CENPK: variants seen among roughly 807,000 people sequenced by gnomAD.
CENPK encodes the protein SoxLZ/Sox6-binding protein Solt.
In CENPK, 46 loss-of-function variants were observed where a neutral mutation model predicts 40.9. That is an observed-to-expected ratio of 1.13 (90% confidence interval 0.89 to 1.44). The LOEUF is 1.44. Among genes scored for constraint, CENPK ranks in the 40% most tolerant of loss-of-function variants. The pLI is 0.00. For synonymous variants in CENPK, 107 were observed against 104.4 expected (o/e 1.02, Z -0.15); for missense variants, 288 against 303.5 (o/e 0.95, Z 0.38).
Position 65,520,099 on chromosome 5 carries a change from T to C in CENPK, c.651+1376A>G, listed in dbSNP as rs1004297107. On this transcript the variant is annotated intron_variant, in intron 10 of 10. Coordinates refer to ENST00000396679, the MANE Select transcript of CENPK (RefSeq NM_022145.5). ...GGAGGTGGAGCCTGGTGGGAGGTGA[T>C]TGGATCATCAGGGTGAATTTCTCAT... 3.9e-5 allele frequency among the ~76,000 whole-genome samples: 6 copies of C among 152,166 alleles called. No individual in the cohort carries two copies. The South Asian group carries it at 6.2e-4, about 16-fold the overall frequency.
At chr5:65,547,303 G>A (rs1749174281) in intron 5 of CENPK, among the ~76,000 whole-genome samples, 2 of 150,146 alleles carry the variant, frequency 1.3e-5, no homozygotes, top group Admixed American at 6.7e-5. Context: ...TGAGGCACAA[G>A]AACTGCTTGA....
intron 8 of CENPK, among the ~76,000 whole-genome samples, 153 bp downstream of exon 8, chr5:65,528,766 T>C (rs1280964058): frequency 1.3e-5 from 2 of 152,186 alleles, no homozygotes; most frequent in African/African-American, 2.4e-5. Flanking sequence ...TCAAGTCAAG[T>C]CACCCATAAA....
At chr5:65,556,861 T>C (rs1751063072) in intron 2 of CENPK, among the ~76,000 whole-genome samples, 1 of 152,208 alleles carries the variant, frequency 6.6e-6, no homozygotes, top group Non-Finnish European at 1.5e-5. Context: ...AATGTTTAAA[T>C]ACAAAAATAC....
At chr5:65,522,940 T>C (rs1744045189) in intron 9 of CENPK, among the ~76,000 whole-genome samples, 1 of 152,274 alleles carries the variant, frequency 6.6e-6, no homozygotes, top group Non-Finnish European at 1.5e-5. Flanking sequence ...TATTAGCTTT[T>C]AGACAGCTAT....
intron 3 of CENPK, 121 bp downstream of exon 3, chr5:65,554,674 TAA>T: frequency 1.5e-6 from 1 of 649,506 alleles, no homozygotes; most frequent in Non-Finnish European, 2.7e-6. Flanking sequence ...AAAAGCTATA[TAA>T]ATATTTATCA....
At chr5:65,519,940 A>C (rs944111581) in intron 10 of CENPK, among the ~76,000 whole-genome samples, 2 of 152,170 alleles carry the variant, frequency 1.3e-5, no homozygotes, top group Non-Finnish European at 2.9e-5. Context: ...CTGCAGTTTT[A>C]AGATTAGTTC....
chr5:65,529,215 T>C lies in CENPK; in HGVS notation c.289-16A>G, dbSNP rs766917984. On this transcript the variant is annotated splice_polypyrimidine_tract_variant and intron_variant, in intron 6 of 10. Coordinates refer to ENST00000396679, the MANE Select transcript of CENPK (RefSeq NM_022145.5). Reference sequence around the variant, plus strand: ...GCTTTTGGAACTAGAATAAAATAATTCAAATTAATTGCTTGGTCTTTAATC... The same window carrying C: ...GCTTTTGGAACTAGAATAAAATAATCCAAATTAATTGCTTGGTCTTTAATC... The C allele has an allele frequency of 1.3e-6, 2 of 1,526,510 alleles. No individual in the cohort carries two copies. Among genetic ancestry groups the C allele is most frequent in the Non-Finnish European group, 1.8e-6 (2 of 1,107,000 alleles). 94.6% of individuals were successfully genotyped at this position (1,526,510 alleles called of 1,614,324 possible).
At chr5:65,507,405 C>T in the CENPK span, among the ~76,000 whole-genome samples, 1 of 152,150 alleles carries the variant, frequency 6.6e-6, no homozygotes, top group East Asian at 1.9e-4. Context: ...ATTACCCAAA[C>T]AAAAATCAAT....
rs145235704 is a variant in CENPK, at chr5:65,547,854, T to C, written c.241+3710A>G. ...AAATTTTTTATATTTTTAGTAGAGA[T>C]GGGGTTTCACCGTGTTAGCCAGGAT... On this transcript the variant is annotated intron_variant, in intron 5 of 10. Transcript: ENST00000396679. Among the ~76,000 whole-genome samples, 922 of 152,150 alleles carry C rather than the reference T, an allele frequency of 6.1e-3. 8 individuals carry two copies. Among genetic ancestry groups the C allele is most frequent in the African/African-American group, 0.02 (840 of 41,506 alleles).
intron 2 of CENPK, among the ~76,000 whole-genome samples, chr5:65,558,599 T>C (rs906099534): frequency 1.3e-5 from 2 of 152,118 alleles, no homozygotes; most frequent in African/African-American, 4.8e-5. Flanking sequence ...AAAACAGATA[T>C]ATAAAAAAAT....
chr5:65,505,389 T>C, the CENPK span, among the ~76,000 whole-genome samples: 1 of 152,184 alleles, frequency 6.6e-6, no homozygotes, highest in African/African-American at 2.4e-5. Context: ...TCCTAGGATT[T>C]TGGGAGGCCA....
intron 6 of CENPK, among the ~76,000 whole-genome samples, chr5:65,530,957 G>A (rs1018074863): frequency 2.6e-5 from 4 of 151,976 alleles, no homozygotes; most frequent in African/African-American, 4.8e-5. Context: ...CAAGAAAGTG[G>A]GAAAAGAAGA....
chr5:65,545,373 C>T (rs1482919186), intron 5 of CENPK, among the ~76,000 whole-genome samples: 1 of 132,878 alleles, frequency 7.5e-6, no homozygotes, highest in Admixed American at 8.0e-5. Flanking sequence ...CACACACACA[C>T]ACACACACGC....
the CENPK span, among the ~76,000 whole-genome samples, chr5:65,508,306 T>C: frequency 1.3e-5 from 2 of 152,206 alleles, no homozygotes; most frequent in African/African-American, 2.4e-5. Context: ...ACTTTTCTTC[T>C]ATGTTTATTA....
chr5:65,558,356 T>C (rs1029492358), intron 2 of CENPK, among the ~76,000 whole-genome samples: 1 of 152,074 alleles, frequency 6.6e-6, no homozygotes, highest in South Asian at 2.1e-4. Flanking sequence ...AGTACATAAG[T>C]AGAGGTGTTG....
intron 2 of CENPK, among the ~76,000 whole-genome samples, chr5:65,559,351 C>T (rs1416887386): frequency 1.3e-5 from 2 of 152,070 alleles, no homozygotes; most frequent in African/African-American, 2.4e-5. Context: ...ATGGAAGGGC[C>T]GGGCGCGGTG....
intron 9 of CENPK, among the ~76,000 whole-genome samples, chr5:65,525,078 G>A (rs539342137): frequency 6.6e-6 from 1 of 152,086 alleles, no homozygotes; most frequent in South Asian, 2.1e-4. Flanking sequence ...GTAAAATTAG[G>A]CCAGGCATAG....
At chr5:65,496,272 C>CAAAAT in the CENPK span, among the ~76,000 whole-genome samples, 2 of 151,826 alleles carry the variant, frequency 1.3e-5, no homozygotes, top group Non-Finnish European at 2.9e-5. Flanking sequence ...CAAAACAAAA[C>CAAAAT]AAAACACTTA....
At chr5:65,495,823 G>T in the CENPK span, among the ~76,000 whole-genome samples, 1 of 152,076 alleles carries the variant, frequency 6.6e-6, no homozygotes, top group African/African-American at 2.4e-5. Context: ...ATTAAAACAA[G>T]ATTTTTATAA....
Sources: gnomAD v4.1 joint callset for allele counts (sites outside exome capture counted in the v4.1 genomes callset) on GRCh38, gnomAD v4.1.1 for gene constraint, MANE v1.5 for transcripts, NCBI Gene and HGNC (gene_info 2026-07-23, HGNC 2026-07-21) for gene names.